The following CAMK1D variants were observed in gnomAD, a reference collection of about 807,000 sequenced individuals.
The protein encoded by CAMK1D is calcium/calmodulin-dependent protein kinase type 1D.
In CAMK1D, 9 loss-of-function variants were observed where a neutral mutation model predicts 47.7. The ratio of observed to expected loss-of-function variants is 0.19; its 90% CI spans 0.11 to 0.33. The LOEUF (loss-of-function observed/expected upper bound fraction) is 0.33. Among genes scored for constraint, CAMK1D ranks in the 10% least tolerant of loss-of-function variants. The pLI, the probability that CAMK1D is intolerant of heterozygous loss-of-function variation, is 1.00. For missense variants in CAMK1D, 291 were observed against 488.7 expected, an observed-to-expected ratio of 0.60 and a Z score of 3.81; for synonymous variants, 184 against 184.9, an observed-to-expected ratio of 0.99 and a Z score of 0.04.
intron 3 of CAMK1D, among the ~76,000 whole-genome samples, chr10:12,706,924 G>A (rs779291939): frequency 3.3e-5 from 5 of 152,150 alleles, no homozygotes; most frequent in Admixed American, 6.5e-5. Context: ...GGCCATTTAG[G>A]GTGGGACGTG....
At chr10:12,542,391 A>C (rs1564401421) in intron 1 of CAMK1D, among the ~76,000 whole-genome samples, 1 of 152,228 alleles carries the variant, frequency 6.6e-6, no homozygotes, top group African/African-American at 2.4e-5. Context: ...ATGTAGAATG[A>C]CTAAAAAGCA....
chr10:12,371,223 A>G (rs7078598), intron 1 of CAMK1D, among the ~76,000 whole-genome samples: 34,035 of 151,134 alleles, frequency 0.23, 4,330 homozygotes, highest in South Asian at 0.33. Flanking sequence ...ACCCAGGGTG[A>G]CTTCTAGGCC....
chr10:12,508,346 A>G (rs1834941002), intron 1 of CAMK1D, among the ~76,000 whole-genome samples: 1 of 152,276 alleles, frequency 6.6e-6, no homozygotes, highest in Non-Finnish European at 1.5e-5. Context: ...ATTCTGACCC[A>G]TGCTGCTGCA....
intron 1 of CAMK1D, among the ~76,000 whole-genome samples, chr10:12,524,690 G>C (rs1835562055): frequency 2.6e-5 from 4 of 151,800 alleles, no homozygotes; most frequent in Admixed American, 2.6e-4. Flanking sequence ...CTGGGCGACA[G>C]AGTGAGACTC....
chr10:12,455,362 AG>A (rs1303452484), intron 1 of CAMK1D, among the ~76,000 whole-genome samples: 13 of 152,120 alleles, frequency 8.5e-5, no homozygotes, highest in African/African-American at 3.1e-4. Flanking sequence ...TTGTAGAGAC[AG>A]GGGTTTTGCC....
At chr10:12,796,233 C>T (rs147599069) in intron 6 of CAMK1D, among the ~76,000 whole-genome samples, 2 of 152,244 alleles carry the variant, frequency 1.3e-5, no homozygotes, top group East Asian at 3.9e-4. Flanking sequence ...TTGGAACAGG[C>T]ACGTCAGAGG....
intron 2 of CAMK1D, among the ~76,000 whole-genome samples, chr10:12,604,756 A>C (rs901916129): frequency 1.3e-5 from 2 of 152,144 alleles, no homozygotes; most frequent in African/African-American, 4.8e-5. Flanking sequence ...GAGCTCCCAA[A>C]ATAGAAGGAA....
intron 1 of CAMK1D, among the ~76,000 whole-genome samples, chr10:12,417,419 C>T (rs747174409): frequency 2.0e-4 from 30 of 152,148 alleles, no homozygotes; most frequent in Non-Finnish European, 2.4e-4. Flanking sequence ...AAAACAGGTT[C>T]GAGAGAAAGA....
chr10:12,575,490 C>G (rs1346087765), intron 2 of CAMK1D, among the ~76,000 whole-genome samples: 1 of 152,202 alleles, frequency 6.6e-6, no homozygotes, highest in Non-Finnish European at 1.5e-5. Context: ...TGGTTTGTCT[C>G]TCACTTTAAT....
At chr10:12,793,430 A>T (rs1173693239) in intron 6 of CAMK1D, among the ~76,000 whole-genome samples, 1 of 152,216 alleles carries the variant, frequency 6.6e-6, no homozygotes, top group Non-Finnish European at 1.5e-5. Context: ...ATGCTGCCAG[A>T]TGTTTCTTAG....
chr10:12,579,184 G>C (rs999197544), intron 2 of CAMK1D, among the ~76,000 whole-genome samples: 1 of 152,134 alleles, frequency 6.6e-6, no homozygotes, highest in Non-Finnish European at 1.5e-5. Flanking sequence ...AGCATGGTAT[G>C]GGCAGGGAAC....
At chr10:12,770,925 TGTGGGGG>T (rs1406536585) in intron 5 of CAMK1D, among the ~76,000 whole-genome samples, 2 of 147,224 alleles carry the variant, frequency 1.4e-5, no homozygotes, top group Non-Finnish European at 3.0e-5. Flanking sequence ...CTTTCTTTTT[TGTGGGGG>T]GTGGGGGGTG....
intron 1 of CAMK1D, among the ~76,000 whole-genome samples, chr10:12,417,036 A>G (rs1347019524): frequency 1.3e-5 from 2 of 152,172 alleles, no homozygotes; most frequent in Admixed American, 6.5e-5. Context: ...ACTTTGGACA[A>G]GGTTCCTCAA....
chr10:12,454,257 G>C (rs1833174480), intron 1 of CAMK1D, among the ~76,000 whole-genome samples: 1 of 152,180 alleles, frequency 6.6e-6, no homozygotes, highest in Non-Finnish European at 1.5e-5. Flanking sequence ...CCGCCTCCTG[G>C]GTTCAAGCAA....
chr10:12,817,029 A>G (rs1832827409), intron 8 of CAMK1D, among the ~76,000 whole-genome samples: 1 of 152,186 alleles, frequency 6.6e-6, no homozygotes, highest in Admixed American at 6.5e-5. Flanking sequence ...GGATGGGAGC[A>G]GGCAAAAAGA....
intron 1 of CAMK1D, among the ~76,000 whole-genome samples, chr10:12,486,240 G>A (rs1488697030): frequency 6.6e-6 from 1 of 151,346 alleles, no homozygotes; most frequent in Non-Finnish European, 1.5e-5. Flanking sequence ...CTCACTGCAA[G>A]CTCCGCCTCC....
At chr10:12,464,967 T>C (rs776502269) in intron 1 of CAMK1D, among the ~76,000 whole-genome samples, 1 of 152,246 alleles carries the variant, frequency 6.6e-6, no homozygotes, top group Non-Finnish European at 1.5e-5. Flanking sequence ...TGAGACGTTC[T>C]GGATATTGGG....
At position 12,547,682 on chromosome 10, in the gene CAMK1D, T is replaced by TCTCTCACACACACACACA. The variant is rs10643491; in HGVS notation, c.93-5542_93-5541insTCTCACACACACACACAC. Among the ~76,000 whole-genome samples, 771 of 116,526 alleles carry TCTCTCACACACACACACA rather than the reference T, an allele frequency of 6.6e-3. 5 individuals are homozygous for TCTCTCACACACACACACA. The highest frequency in any genetic ancestry group is 0.012 in the South Asian group (36 of 3,032). 76.4% of individuals were successfully genotyped at this position (116,526 alleles called of 152,430 possible). A position where few individuals can be genotyped will look rare whatever the true frequency, so the allele number is the denominator to read the frequency against. On this transcript the variant is annotated intron_variant, in intron 1 of 10. Coordinates refer to ENST00000619168, the MANE Select transcript of CAMK1D (RefSeq NM_153498.4). ...CACTCTCTCTCTCTCTTTCTCTCTC[T>TCTCTCACACACACACACA]CACACACACACACACACACCACTGT... is the stretch of plus-strand genomic sequence containing the variant.
At chr10:12,380,402 T>C (rs1838304975) in intron 1 of CAMK1D, among the ~76,000 whole-genome samples, 1 of 152,202 alleles carries the variant, frequency 6.6e-6, no homozygotes, top group Non-Finnish European at 1.5e-5. Flanking sequence ...AGCCTAGGTT[T>C]TGTAATGATT....
Sources: gnomAD v4.1 joint callset for allele counts (sites outside exome capture counted in the v4.1 genomes callset) on GRCh38, gnomAD v4.1.1 for gene constraint, MANE v1.5 for transcripts, NCBI Gene and HGNC (gene_info 2026-07-23, HGNC 2026-07-21) for gene names.